OGG1: variants seen among roughly 807,000 people sequenced by gnomAD.
The protein encoded by OGG1 is 8-oxoguanine DNA glycosylase.
A neutral mutation model predicts 42.3 loss-of-function variants in OGG1; 35 were observed. That is an observed-to-expected ratio of 0.83 (90% CI 0.63 to 1.10). The LOEUF is 1.10. Among genes scored for constraint, OGG1 ranks in the 50% least tolerant of loss-of-function variants. The pLI is 0.00. For missense variants in OGG1, 484 were observed against 446.7 expected (o/e 1.08, Z -0.75); for synonymous variants, 189 against 179.0 (o/e 1.06, Z -0.44).
At chr3:9,754,650 G>T in intron 3 of OGG1, 54 bp from the exon 4 acceptor site, 2 of 1,592,718 alleles carry the variant, frequency 1.3e-6, no homozygotes, top group Non-Finnish European at 8.6e-7. Flanking sequence ...CTAGCCTAAG[G>T]ACAGGAAGAA....
rs370207885 is a variant in OGG1 at position 9,780,320 on chromosome 3, C to T, written c.295-1193C>T. The T allele has an allele frequency of 4.2e-5, 66 of 1,586,806 alleles. No individual in the cohort carries two copies. The African/African-American group carries it at 6.5e-4, about 16-fold the overall frequency. On this transcript the variant is annotated intron_variant, in intron 2 of 3. Coordinates refer to the OGG1 transcript ENST00000426518. ...AGGAAGTGGGCCTCCCTTCCCCTCC[C>T]CTAGGCCAGATAATCAGCCTGAGGC...
downstream of OGG1, chr3:9,789,380 G>A (rs1465824242): frequency 5.0e-6 from 4 of 807,456 alleles, no homozygotes; most frequent in African/African-American, 7.0e-5. Flanking sequence ...TGGAGGCACT[G>A]ATGGAGCAGA....
downstream of OGG1, chr3:9,757,597 C>T (rs545247601): frequency 1.3e-5 from 21 of 1,614,138 alleles, no homozygotes; most frequent in East Asian, 4.5e-5. The surrounding 1 kb of genome is among the most constrained non-coding windows in gnomAD (Gnocchi z 4.5). Context: ...GCAGCAGTCT[C>T]GACAGCAACA....
chr3:9,760,844 C>T (rs527811967), downstream of OGG1: 1,481 of 1,595,722 alleles, frequency 9.3e-4, 1 homozygote, highest in Non-Finnish European at 1.1e-3. Flanking sequence ...GGGGCAGTCT[C>T]AGGGGTCAGG....
intron 2 of OGG1, among the ~76,000 whole-genome samples, chr3:9,780,735 T>A (rs1052344848): frequency 1.3e-5 from 2 of 152,342 alleles, no homozygotes; most frequent in South Asian, 4.1e-4. Context: ...CTGAAAAATA[T>A]TAACTCATGT....
At chr3:9,755,465 C>CTTTTTTTT (rs60075191) in intron 4 of OGG1, among the ~76,000 whole-genome samples, 1 of 136,416 alleles carries the variant, frequency 7.3e-6, no homozygotes. Flanking sequence ...AGGCATTTGT[C>CTTTTTTTT]TTTTTTTTTT....
intron 3 of OGG1, chr3:9,752,204 T>A (rs2077333988): frequency 1.8e-6 from 1 of 546,622 alleles, no homozygotes; most frequent in Non-Finnish European, 3.3e-6. Flanking sequence ...CAATGTACAG[T>A]AGTTTGGGGT....
At chr3:9,759,095 C>T (rs2077723854), downstream of OGG1, 2 of 1,053,968 alleles carry the variant, frequency 1.9e-6, no homozygotes. Flanking sequence ...CCCCTCAGCC[C>T]CTCCAGTCTG....
intron 2 of OGG1, among the ~76,000 whole-genome samples, chr3:9,777,199 G>A: frequency 6.6e-6 from 1 of 152,348 alleles, no homozygotes; most frequent in South Asian, 2.1e-4. Context: ...AGACCATGAT[G>A]TGCAAGACAG....
downstream of OGG1, chr3:9,767,766 A>G (rs772792286): frequency 6.2e-7 from 1 of 1,613,560 alleles, no homozygotes. Context: ...CTGCCCCCCG[A>G]CCACAGCCAG....
At chr3:9,760,308 A>AACG, downstream of OGG1, 1 of 244,138 alleles carries the variant, frequency 4.1e-6, no homozygotes, top group Non-Finnish European at 8.1e-6. Flanking sequence ...ACTGATGATA[A>AACG]ACGATAGTAG....
At chr3:9,784,864 CAA>C (rs56673103) in intron 3 of OGG1, among the ~76,000 whole-genome samples, 6 of 97,344 alleles carry the variant, frequency 6.2e-5, no homozygotes, top group Non-Finnish European at 4.3e-5. Context: ...GACTCCATCT[CAA>C]AAAAAAAAAA....
At chr3:9,757,550 G>A (rs1486837209), downstream of OGG1, 16 of 1,613,660 alleles carry the variant, frequency 9.9e-6, no homozygotes, top group Non-Finnish European at 1.3e-5. This position sits in a 1 kb window ranked among gnomAD's most constrained non-coding sequence, Gnocchi z 4.5. Flanking sequence ...TAGAGCTGGT[G>A]GGGCAGTGTG....
At chr3:9,782,473 A>C (rs1198303189) in intron 3 of OGG1, among the ~76,000 whole-genome samples, 1 of 152,236 alleles carries the variant, frequency 6.6e-6, no homozygotes, top group Non-Finnish European at 1.5e-5. Context: ...CTCAGCATAC[A>C]TTAGTCACTC....
chr3:9,789,630 G>C, downstream of OGG1: 1 of 1,613,284 alleles, frequency 6.2e-7, no homozygotes, highest in Non-Finnish European at 8.5e-7. Flanking sequence ...GGGAGAAGCA[G>C]ATCCTGAGTG....
At chr3:9,771,810 CTTTTTTTT>C (rs5846644) in intron 2 of OGG1, among the ~76,000 whole-genome samples, 114 of 66,776 alleles carry the variant, frequency 1.7e-3, no homozygotes, top group African/African-American at 6.7e-3. Flanking sequence ...TGTACAACTT[CTTTTTTTT>C]TTTTTTTTTT....
chr3:9,773,985 C>T (rs896483748), intron 2 of OGG1, among the ~76,000 whole-genome samples: 1 of 152,096 alleles, frequency 6.6e-6, no homozygotes, highest in Non-Finnish European at 1.5e-5. Context: ...GGATTATAGG[C>T]GTGAGCCAGT....
chr3:9,752,529 CAAAAAAA>C (rs144337359), intron 3 of OGG1, among the ~76,000 whole-genome samples: 7 of 75,024 alleles, frequency 9.3e-5, no homozygotes, highest in Non-Finnish European at 1.6e-4. Flanking sequence ...GACTCTGTCT[CAAAAAAA>C]AAAAAAAAAA....
intron 4 of OGG1, among the ~76,000 whole-genome samples, chr3:9,755,217 C>A (rs192106455): frequency 6.6e-6 from 1 of 151,696 alleles, no homozygotes; most frequent in Admixed American, 6.6e-5. Context: ...TTCTTCTTTT[C>A]GGTTTTTTGT....
Sources: gnomAD v4.1 joint callset for allele counts (sites outside exome capture counted in the v4.1 genomes callset) on GRCh38, gnomAD v4.1.1 for gene constraint, Gnocchi (gnomAD v3.1) non-coding constraint, MANE v1.5 for transcripts, NCBI Gene and HGNC (gene_info 2026-07-23, HGNC 2026-07-21) for gene names.